Variants in BCORL1 observed in about 807,000 individuals in gnomAD.
BCORL1 encodes BCL-6 corepressor-like protein 1.
In BCORL1, 7 loss-of-function variants were observed where a neutral mutation model predicts 87.6. That is an observed-to-expected ratio of 0.08 (90% confidence interval 0.05 to 0.15). BCORL1 has a LOEUF of 0.15. BCORL1 is among the 10% of genes least tolerant of loss of function. The pLI is 1.00. For synonymous variants in BCORL1, 591 were observed against 634.4 expected (o/e 0.93, Z 1.03); for missense variants, 1,215 against 1,499.7 (o/e 0.81, Z 3.13).
Position 130,056,043 on chromosome X carries a change from A to G in BCORL1, c.5265A>G (p.Pro1755=), listed in dbSNP as rs1932366210. 1 of 1,210,072 alleles carries G rather than the reference A, an allele frequency of 8.3e-7. No individual in the cohort carries two copies. Among genetic ancestry groups the G allele is most frequent in the Admixed American group, 2.2e-5 (1 of 45,806 alleles). ...GAGGCTTGGACGACAGATCCCCCCCAGGCTCCTCTGAGACTGTGGAGCTGG... is the reference window on the plus strand; with the variant it reads ...GAGGCTTGGACGACAGATCCCCCCCGGGCTCCTCTGAGACTGTGGAGCTGG... ...RPGGLDDRSP[P]GSSETVELVR... The change falls in exon 14 of 14, where the codon CCA becomes CCG. Residue 1755 remains proline (P), a synonymous_variant. Transcript: ENST00000540052.
chrX:130,054,780 G>C (rs911453379), intron 13 of BCORL1, among the ~76,000 whole-genome samples: 1 of 110,744 alleles, frequency 9.0e-6, no homozygotes, highest in Non-Finnish European at 1.9e-5. Context: ...GCGTGGTCGT[G>C]GGTGCCTGTA....
chrX:130,040,737 G>A (rs751279598), intron 11 of BCORL1, among the ~76,000 whole-genome samples: 1 of 112,339 alleles, frequency 8.9e-6, no homozygotes, highest in Non-Finnish European at 1.9e-5. Flanking sequence ...GCAAGCCACC[G>A]TTGGTAGCTG....
Position 130,047,313 on chromosome X carries a change from G to A in BCORL1, c.4841-3404G>A, listed in dbSNP as rs997334454. Among the ~76,000 whole-genome samples, 18 of 111,066 alleles carry A rather than the reference G, an allele frequency of 1.6e-4. 1 individual carries two copies. Among genetic ancestry groups the A allele is most frequent in the Admixed American group, 5.8e-4 (6 of 10,348 alleles). Reference sequence around the variant, plus strand: ...AGGATAAGAGAAAAGGGCTGGAAGCGTGGCTGGGGTGGAGGGAATCAAGGG... The same window carrying A: ...AGGATAAGAGAAAAGGGCTGGAAGCATGGCTGGGGTGGAGGGAATCAAGGG... On this transcript the variant is annotated intron_variant, in intron 11 of 13. Coordinates refer to ENST00000540052, the MANE Select transcript of BCORL1 (RefSeq NM_001379451.1).
At chrX:130,044,017 C>T (rs1208553322) in intron 11 of BCORL1, among the ~76,000 whole-genome samples, 3 of 104,868 alleles carry the variant, frequency 2.9e-5, no homozygotes, top group African/African-American at 1.0e-4. Flanking sequence ...GTGATCCGCT[C>T]GCCTCGGCCT....
chrX:129,992,306 G>A (rs1266028339), intron 1 of BCORL1, among the ~76,000 whole-genome samples: 14 of 110,770 alleles, frequency 1.3e-4, no homozygotes, highest in South Asian at 1.2e-3. Context: ...GCTTGGTGGC[G>A]CCAGGTGTGG....
chrX:129,999,022 A>C (rs1399094136), intron 1 of BCORL1, among the ~76,000 whole-genome samples: 1 of 108,225 alleles, frequency 9.2e-6, no homozygotes, highest in African/African-American at 3.4e-5. Flanking sequence ...ATTATATAGT[A>C]ATTATTTTGA....
chrX:130,007,165 G>C (rs1412525484), intron 2 of BCORL1, among the ~76,000 whole-genome samples: 1 of 111,944 alleles, frequency 8.9e-6, no homozygotes, highest in Non-Finnish European at 1.9e-5. Context: ...CTGAGGTCAA[G>C]GTTAGCAGAA....
In BCORL1 at chrX:130,016,008, A is replaced by G. The variant is rs766242960; in HGVS notation, c.3236A>G (p.Gln1079Arg). The G allele has an allele frequency of 8.3e-7, 1 of 1,211,999 alleles. No individual in the cohort carries two copies. The highest frequency in any genetic ancestry group is 1.8e-5 in the South Asian group (1 of 57,026). ...DGLPVAPQRGQAEVRAKAGQA... is the reference protein window; with the variant it reads ...DGLPVAPQRGRAEVRAKAGQA... ...CTCCCAGTGGCTCCCCAGAGGGGCC[A>G]AGCTGAAGTTCGGGCTAAGGCCGGG... is the stretch of plus-strand genomic sequence containing the variant. Residue 1079 changes from glutamine to arginine, a missense_variant, in exon 4 of 14, where the codon CAA becomes CGA. Transcript: ENST00000540052.
At chrX:130,028,338 A>G (rs749968402) in intron 7 of BCORL1, among the ~76,000 whole-genome samples, 6 of 111,133 alleles carry the variant, frequency 5.4e-5, no homozygotes, top group Non-Finnish European at 1.1e-4. Context: ...TCTGGGAAAA[A>G]TCCTGTTAAA....
Position 129,987,256 on chromosome X carries a change from G to A in BCORL1, c.-45+4494G>A, listed in dbSNP as rs775323517. 3.6e-5 allele frequency among the ~76,000 whole-genome samples: 4 copies of A among 111,875 alleles called. No individual in the cohort carries two copies. The Admixed American group carries it at 3.8e-4, about 11-fold the overall frequency. Reference sequence around the variant, plus strand: ...AACTGGCATTTAGAGAGAAATACAAGCATATTTATCCATAAGGAAATAGGG... The same window carrying A: ...AACTGGCATTTAGAGAGAAATACAAACATATTTATCCATAAGGAAATAGGG... On this transcript the variant is annotated intron_variant, in intron 1 of 13. Transcript: ENST00000540052.
intron 1 of BCORL1, among the ~76,000 whole-genome samples, chrX:129,991,485 C>A (rs768237842): frequency 2.8e-5 from 3 of 106,664 alleles, no homozygotes; most frequent in Non-Finnish European, 5.8e-5. Context: ...CTGGGACAGG[C>A]CACCATGCCC....
intron 5 of BCORL1, among the ~76,000 whole-genome samples, chrX:130,021,574 A>G (rs1929820357): frequency 8.9e-6 from 1 of 112,280 alleles, no homozygotes; most frequent in African/African-American, 3.2e-5. Context: ...TAGCTAGGAG[A>G]GTTTAGAGAA....
At chrX:130,011,908 G>A (rs1929006313) in intron 2 of BCORL1, among the ~76,000 whole-genome samples, 1 of 110,794 alleles carries the variant, frequency 9.0e-6, no homozygotes, top group African/African-American at 3.3e-5. Flanking sequence ...GAAAAAAGGG[G>A]GCAGTGTCTC....
chrX:130,036,056 A>G (rs1233564099), intron 9 of BCORL1, among the ~76,000 whole-genome samples: 1 of 112,438 alleles, frequency 8.9e-6, no homozygotes, highest in Non-Finnish European at 1.9e-5. Flanking sequence ...AGGACTGGCA[A>G]TGGTGCAGCT....
At chrX:129,990,569 G>A (rs1474410083) in intron 1 of BCORL1, among the ~76,000 whole-genome samples, 2 of 111,184 alleles carry the variant, frequency 1.8e-5, no homozygotes, top group African/African-American at 6.5e-5. Flanking sequence ...TTGTTCAATT[G>A]TATCCTATTA....
At chrX:129,992,484 T>C (rs927420478) in intron 1 of BCORL1, among the ~76,000 whole-genome samples, 4 of 111,661 alleles carry the variant, frequency 3.6e-5, no homozygotes, top group African/African-American at 1.3e-4. Flanking sequence ...GAGCTAATAC[T>C]GTTTAATGAA....
At position 130,013,766 on chromosome X, in the gene BCORL1, C is replaced by G; in HGVS notation, c.994C>G (p.Pro332Ala). Reference sequence around the variant, plus strand: ...TTCAGCTCCGACCTTGGTTCTCGCTCCCGTCCCCACTCCGGTTCTGGCTCC... The same window carrying G: ...TTCAGCTCCGACCTTGGTTCTCGCTGCCGTCCCCACTCCGGTTCTGGCTCC... ...PPSAPTLVLAPVPTPVLAPMP... is the reference protein window; with the variant it reads ...PPSAPTLVLAAVPTPVLAPMP... The change falls in exon 4 of 14, where the codon CCC becomes GCC. Residue 332 changes from proline (P) to alanine (A), a missense_variant. Physicochemically the swap from Pro to Ala is conservative, Grantham distance 27. Transcript: ENST00000540052. 1.7e-6 allele frequency: 2 copies of G among 1,178,967 alleles called. No homozygotes were observed. The highest frequency in any genetic ancestry group is 2.3e-6 in the Non-Finnish European group (2 of 879,636).
chrX:130,032,731 TTCTATTTATTTATTTA>T (rs760558788), intron 8 of BCORL1, among the ~76,000 whole-genome samples: 6,078 of 100,865 alleles, frequency 0.06, 447 homozygotes, highest in African/African-American at 0.2. Context: ...CGAGAATCTC[TTCTATTTATTTATTTA>T]TTTATTTATT....
At chrX:130,054,344 C>T (rs758019903) in intron 13 of BCORL1, among the ~76,000 whole-genome samples, 6 of 111,553 alleles carry the variant, frequency 5.4e-5, no homozygotes, top group Admixed American at 1.9e-4. Flanking sequence ...TCAAATGCCA[C>T]GAGACCATGG....
Sources: allele counts gnomAD v4.1 joint callset (sites outside exome capture counted in the v4.1 genomes callset), GRCh38; gene constraint gnomAD v4.1.1; transcripts MANE v1.5; gene names NCBI Gene and HGNC (gene_info 2026-07-23, HGNC 2026-07-21).